STX8: variants seen among roughly 807,000 people sequenced by gnomAD.
STX8 encodes syntaxin 8.
Under a neutral mutation model 37.5 loss-of-function variants are expected in STX8, and 23 were observed. That is an observed-to-expected ratio of 0.61 (90% CI 0.44 to 0.87). The LOEUF (loss-of-function observed/expected upper bound fraction) is 0.87, where lower values mean the gene tolerates loss of function less well. STX8 is among the 40% of genes least tolerant of loss of function. The probability of loss-of-function intolerance (pLI) is 0.00; values close to 1 mark genes in which losing one functional copy is unlikely to be tolerated. For synonymous variants in STX8, 115 were observed against 99.1 expected (o/e 1.16, Z -0.95); for missense variants, 313 against 284.7 (o/e 1.10, Z -0.71).
chr17:9,560,098 A>T (rs1374292222), intron 2 of STX8, among the ~76,000 whole-genome samples: 1 of 151,144 alleles, frequency 6.6e-6, no homozygotes, highest in Non-Finnish European at 1.5e-5. Flanking sequence ...CCGGGCTGAA[A>T]GACTATTAAA....
At chr17:9,514,925 A>G (rs944452120) in intron 4 of STX8, among the ~76,000 whole-genome samples, 1 of 152,216 alleles carries the variant, frequency 6.6e-6, no homozygotes, top group African/African-American at 2.4e-5. Context: ...AGCTAATAGC[A>G]TATCACCTAC....
At chr17:9,422,514 T>C (rs185772412) in intron 6 of STX8, among the ~76,000 whole-genome samples, 1 of 152,336 alleles carries the variant, frequency 6.6e-6, no homozygotes, top group Admixed American at 6.5e-5. Flanking sequence ...GATTCGTCTG[T>C]TCTAGATATT....
At chr17:9,548,325 G>T (rs1360696313) in intron 3 of STX8, 1 of 151,646 alleles carries the variant, frequency 6.6e-6, no homozygotes, top group African/African-American at 2.4e-5. Context: ...GGCTGGTCTC[G>T]AACTCCTGAC....
At chr17:9,311,347 C>T (rs1055391597) in intron 7 of STX8, among the ~76,000 whole-genome samples, 2 of 151,692 alleles carry the variant, frequency 1.3e-5, no homozygotes, top group African/African-American at 4.8e-5. Context: ...ATATGTATTT[C>T]ACAACAGAAT....
intron 6 of STX8, among the ~76,000 whole-genome samples, chr17:9,414,428 G>A (rs1913105848): frequency 6.6e-6 from 1 of 152,054 alleles, no homozygotes. Flanking sequence ...AGTATAACTG[G>A]ATGTCATGGC....
intron 7 of STX8, among the ~76,000 whole-genome samples, chr17:9,331,445 G>A (rs578031386): frequency 6.6e-5 from 10 of 152,196 alleles, no homozygotes; most frequent in East Asian, 3.9e-4. Context: ...GTCACCAGGA[G>A]TATGAATTGC....
chr17:9,343,018 C>CAAAAA lies in STX8; in HGVS notation c.643+35529_643+35533dup, dbSNP rs4063994. 5.1e-4 allele frequency among the ~76,000 whole-genome samples: 56 copies of CAAAAA among 110,520 alleles called. 1 individual carries two copies. The highest frequency in any genetic ancestry group is 2.0e-3 in the African/African-American group (53 of 26,852). The allele number at this position is 110,520 out of a possible 152,430, so 72.5% of individuals were successfully genotyped here. On this transcript the variant is annotated intron_variant, in intron 7 of 7. Transcript: ENST00000306357. ...CCTGGTGACAAGAGTGAAACTGTCT[C>CAAAAA]AAAAAAAAAAAAAAAAAAAAAAAAA...
chr17:9,508,985 A>C (rs980581307), intron 4 of STX8, among the ~76,000 whole-genome samples: 1 of 152,220 alleles, frequency 6.6e-6, no homozygotes, highest in African/African-American at 2.4e-5. Context: ...GTGGTGGCTC[A>C]TGCCTGTTAT....
At chr17:9,459,133 A>C (rs1905277144) in intron 6 of STX8, among the ~76,000 whole-genome samples, 3 of 152,052 alleles carry the variant, frequency 2.0e-5, no homozygotes, top group Admixed American at 2.0e-4. Flanking sequence ...TGCCCGGCCC[A>C]CTCCAGTTAT....
chr17:9,445,213 C>T (rs1904796305), intron 6 of STX8, among the ~76,000 whole-genome samples: 1 of 151,922 alleles, frequency 6.6e-6, no homozygotes, highest in Non-Finnish European at 1.5e-5. Flanking sequence ...TTACAGCTTT[C>T]CAGAGCAACA....
intron 6 of STX8, among the ~76,000 whole-genome samples, chr17:9,453,932 T>C: frequency 6.6e-6 from 1 of 152,130 alleles, no homozygotes; most frequent in East Asian, 1.9e-4. Context: ...GAAGCATGGA[T>C]GGCAATTGAA....
chr17:9,575,099 AAT>A (rs1907848963), intron 1 of STX8, among the ~76,000 whole-genome samples: 1 of 152,240 alleles, frequency 6.6e-6, no homozygotes, highest in African/African-American at 2.4e-5. Context: ...GGGATCAAAC[AAT>A]ATGTTCCTTG....
intron 4 of STX8, among the ~76,000 whole-genome samples, chr17:9,514,439 T>C (rs1905110586): frequency 6.6e-6 from 1 of 151,990 alleles, no homozygotes; most frequent in Non-Finnish European, 1.5e-5. Flanking sequence ...ACCCTGTCTC[T>C]ACTAAAAACA....
At chr17:9,264,486 G>T (rs1367369451) in intron 7 of STX8, among the ~76,000 whole-genome samples, 1 of 152,036 alleles carries the variant, frequency 6.6e-6, no homozygotes, top group Non-Finnish European at 1.5e-5. Context: ...TAAATTTTGT[G>T]TAGAGATGAG....
chr17:9,376,539 C>A (rs549667587), intron 7 of STX8, among the ~76,000 whole-genome samples: 1 of 152,212 alleles, frequency 6.6e-6, no homozygotes. Flanking sequence ...AATCAGGCCA[C>A]CTGAGGCAGC....
At chr17:9,514,321 T>C (rs529173256) in intron 4 of STX8, among the ~76,000 whole-genome samples, 1 of 152,224 alleles carries the variant, frequency 6.6e-6, no homozygotes, top group African/African-American at 2.4e-5. Context: ...AACAAAATGA[T>C]AGGCTGGGTG....
At chr17:9,496,404 CCAT>C (rs200410394) in intron 5 of STX8, among the ~76,000 whole-genome samples, 73 of 152,110 alleles carry the variant, frequency 4.8e-4, no homozygotes, top group African/African-American at 1.7e-3. Context: ...AACAAAACTA[CCAT>C]CATGTCATAA....
chr17:9,256,969 G>T, intron 7 of STX8, among the ~76,000 whole-genome samples: 1 of 152,216 alleles, frequency 6.6e-6, no homozygotes, highest in East Asian at 1.9e-4. Context: ...CTTAAACAAT[G>T]AATGCTCTCT....
chr17:9,481,386 C>G (rs1013009509), intron 6 of STX8, among the ~76,000 whole-genome samples: 16 of 152,250 alleles, frequency 1.1e-4, no homozygotes, highest in African/African-American at 3.9e-4. Flanking sequence ...TAAAGGACAG[C>G]GGTTTCTAAC....
Sources: allele counts gnomAD v4.1 joint callset (sites outside exome capture counted in the v4.1 genomes callset), GRCh38; gene constraint gnomAD v4.1.1; transcripts MANE v1.5; gene names NCBI Gene and HGNC (gene_info 2026-07-23, HGNC 2026-07-21).